ARHGAP6: variants seen among roughly 807,000 people sequenced by gnomAD.
ARHGAP6 encodes Rho GTPase activating protein 6, also known as rho GTPase-activating protein 6.
In ARHGAP6, 16 loss-of-function variants were observed where a neutral mutation model predicts 55.7. The ratio of observed to expected loss-of-function variants is 0.29; its 90% CI spans 0.19 to 0.44. The LOEUF (loss-of-function observed/expected upper bound fraction) is 0.44. ARHGAP6 is among the 20% of genes least tolerant of loss of function. The pLI is 1.00. For missense variants in ARHGAP6, 698 were observed against 808.9 expected (o/e 0.86, Z 1.66); for synonymous variants, 382 against 360.9 (o/e 1.06, Z -0.66).
At chrX:11,361,328 A>G (rs2147693340) in intron 1 of ARHGAP6, among the ~76,000 whole-genome samples, 1 of 110,455 alleles carries the variant, frequency 9.1e-6, no homozygotes, top group African/African-American at 3.3e-5. Flanking sequence ...GGAATAGAAC[A>G]GAGCCCTCAG....
chrX:11,139,164 C>T lies in ARHGAP6; in HGVS notation c.2624G>A (p.Arg875Lys), dbSNP rs1569226634. ...TGGAGGCGGGGGCCGCTTGTCATCC[C>T]TCCCACTCCCATGGGGTCTTTGGCA... The part of the protein sequence containing the change: ...PQCQRPHGSG[R>K]DDKRPPPPYP... The change falls in exon 13 of 13, where the codon AGG (arginine) becomes AAG (lysine). Residue 875 changes from arginine (R) to lysine (K), a missense_variant. Arg to Lys is a conservative substitution (Grantham distance 26, BLOSUM62 2). Around this residue, in one of 3 missense-constraint regions of ARHGAP6, gnomAD observed 212 missense variants for 208.7 expected, o/e 1.02. Coordinates refer to ENST00000337414, the MANE Select transcript of ARHGAP6 (RefSeq NM_013427.3). 3 of 1,206,349 alleles carry T rather than the reference C, an allele frequency of 2.5e-6. No individual in the cohort carries two copies. Among genetic ancestry groups the T allele is most frequent in the Non-Finnish European group, 3.4e-6 (3 of 893,777 alleles).
At chrX:11,525,059 T>TCAC (rs2050975381) in intron 1 of ARHGAP6, among the ~76,000 whole-genome samples, 1 of 111,471 alleles carries the variant, frequency 9.0e-6, no homozygotes, top group Admixed American at 9.6e-5. Context: ...GCAGATGAAG[T>TCAC]TTCACTCATA....
chrX:11,400,467 C>T (rs1315871384), intron 1 of ARHGAP6, among the ~76,000 whole-genome samples: 2 of 109,922 alleles, frequency 1.8e-5, no homozygotes, highest in Non-Finnish European at 3.8e-5. Flanking sequence ...AACCAACATA[C>T]CTTGCAATAA....
chrX:11,383,797 C>T (rs1294886447), intron 1 of ARHGAP6, among the ~76,000 whole-genome samples: 1 of 111,377 alleles, frequency 9.0e-6, no homozygotes, highest in Non-Finnish European at 1.9e-5. Flanking sequence ...AGTGATGACT[C>T]TTCAGAAAAT....
chrX:11,279,291 A>G, intron 1 of ARHGAP6, among the ~76,000 whole-genome samples: 1 of 112,406 alleles, frequency 8.9e-6, no homozygotes, highest in South Asian at 3.7e-4. Context: ...AGCACTGAAT[A>G]TATTTTATTA....
intron 1 of ARHGAP6, among the ~76,000 whole-genome samples, chrX:11,556,081 T>G (rs991351758): frequency 1.8e-5 from 2 of 111,352 alleles, no homozygotes; most frequent in Non-Finnish European, 3.8e-5. Context: ...ATCCCTACTC[T>G]GCGCCAAATA....
Position 11,398,227 on chromosome X carries a change from G to C in ARHGAP6, c.589-143520C>G, listed in dbSNP as rs140192712. On this transcript the variant is annotated intron_variant, in intron 1 of 12. Coordinates refer to ENST00000337414, the MANE Select transcript of ARHGAP6 (RefSeq NM_013427.3). Reference sequence around the variant, plus strand: ...AAGTATTTGTAAAAATTCTAAACCAGTGCCTGTTAAATAGTAAGGACTGCG... The same window carrying C: ...AAGTATTTGTAAAAATTCTAAACCACTGCCTGTTAAATAGTAAGGACTGCG... Among the ~76,000 whole-genome samples, 781 of 100,775 alleles carry C rather than the reference G, an allele frequency of 7.7e-3. 10 individuals carry two copies. The highest frequency in any genetic ancestry group is 0.028 in the African/African-American group (750 of 26,821). 87.5% of individuals were successfully genotyped at this position (100,775 alleles called of 115,157 possible).
At chrX:11,440,268 CTA>C (rs1267538456) in intron 1 of ARHGAP6, among the ~76,000 whole-genome samples, 1 of 112,442 alleles carries the variant, frequency 8.9e-6, no homozygotes, top group Non-Finnish European at 1.9e-5. Flanking sequence ...TCACGTCATA[CTA>C]TATAGATAAA....
chrX:11,592,324 T>G (rs1183579994), intron 1 of ARHGAP6, among the ~76,000 whole-genome samples: 1 of 111,869 alleles, frequency 8.9e-6, no homozygotes, highest in Non-Finnish European at 1.9e-5. Flanking sequence ...AATAGTAAAT[T>G]CACAGAAACT....
At chrX:11,264,583 G>A (rs1037279296) in intron 1 of ARHGAP6, among the ~76,000 whole-genome samples, 10 of 111,563 alleles carry the variant, frequency 9.0e-5, no homozygotes, top group African/African-American at 2.3e-4. Flanking sequence ...AGCTTCTCTC[G>A]AGTCTTGGAT....
intron 1 of ARHGAP6, among the ~76,000 whole-genome samples, chrX:11,588,021 TCTG>T (rs2051756116): frequency 8.9e-6 from 1 of 112,304 alleles, no homozygotes; most frequent in Admixed American, 9.5e-5. Flanking sequence ...ATTAAAATTT[TCTG>T]CTGTTAAAAA....
At chrX:11,624,989 A>T (rs1165022767) in intron 1 of ARHGAP6, among the ~76,000 whole-genome samples, 3 of 112,451 alleles carry the variant, frequency 2.7e-5, no homozygotes, top group Non-Finnish European at 5.6e-5. Context: ...AATGGCTTAT[A>T]TCCAAAAGAC....
chrX:11,195,959 C>CAAAAAA (rs1024986729), intron 3 of ARHGAP6, among the ~76,000 whole-genome samples: 12 of 8,412 alleles, frequency 1.4e-3, no homozygotes, highest in Non-Finnish European at 1.8e-3. Context: ...ACTAAAAATA[C>CAAAAAA]AAAAAAAAAA....
At chrX:11,506,441 C>T (rs1451336085) in intron 1 of ARHGAP6, among the ~76,000 whole-genome samples, 2 of 108,256 alleles carry the variant, frequency 1.8e-5, no homozygotes, top group Non-Finnish European at 3.8e-5. Flanking sequence ...CTCCCTTTGT[C>T]CATGTGTTCT....
chrX:11,289,749 G>C (rs1045388703), intron 1 of ARHGAP6, among the ~76,000 whole-genome samples: 2 of 111,616 alleles, frequency 1.8e-5, no homozygotes, highest in Middle Eastern at 4.2e-3. Flanking sequence ...CACTTTGGGA[G>C]GCCGAGGCAG....
chrX:11,559,530 T>TC (rs2051360998), intron 1 of ARHGAP6, among the ~76,000 whole-genome samples: 1 of 111,825 alleles, frequency 8.9e-6, no homozygotes, highest in African/African-American at 3.3e-5. Flanking sequence ...CCAAGTTTTT[T>TC]CCCAAACAGG....
At chrX:11,364,533 G>A (rs1794923229) in intron 1 of ARHGAP6, among the ~76,000 whole-genome samples, 1 of 110,489 alleles carries the variant, frequency 9.1e-6, no homozygotes, top group Admixed American at 9.7e-5. Context: ...CTTCCGCCAC[G>A]TGACCAAGGG....
intron 1 of ARHGAP6, among the ~76,000 whole-genome samples, chrX:11,417,107 CACAT>C (rs2049762409): frequency 4.5e-5 from 2 of 44,127 alleles, no homozygotes; most frequent in Admixed American, 2.7e-4. Flanking sequence ...TATATATATA[CACAT>C]ACATATATAT....
chrX:11,648,243 A>C (rs1415517953), intron 1 of ARHGAP6, among the ~76,000 whole-genome samples: 2 of 111,910 alleles, frequency 1.8e-5, no homozygotes, highest in Non-Finnish European at 3.8e-5. Context: ...GTATACATGC[A>C]TTGAAATATC....
Sources: gnomAD v4.1 joint callset for allele counts (sites outside exome capture counted in the v4.1 genomes callset) on GRCh38, gnomAD v4.1.1 for gene constraint, gnomAD v4.1.1 regional missense constraint, MANE v1.5 for transcripts, NCBI Gene and HGNC (gene_info 2026-07-23, HGNC 2026-07-21) for gene names.